Variants in SYNE2 observed in about 807,000 individuals in gnomAD.
SYNE2 encodes nesprin-2.
In SYNE2, 431 loss-of-function variants were observed where a neutral mutation model predicts 856.3. The observed-to-expected ratio is 0.50, with a 90% CI of 0.47 to 0.55. The LOEUF (loss-of-function observed/expected upper bound fraction) is 0.55, where lower values mean the gene tolerates loss of function less well. Among genes scored for constraint, SYNE2 ranks in the 20% least tolerant of loss-of-function variants. The probability of loss-of-function intolerance (pLI) is 0.00; values close to 1 mark genes in which losing one functional copy is unlikely to be tolerated. For missense variants in SYNE2, 8,129 were observed against 8,023.2 expected, an observed-to-expected ratio of 1.01 and a Z score of -0.50; for synonymous variants, 2,923 against 2,872.3, an observed-to-expected ratio of 1.02 and a Z score of -0.56.
chr14:63,929,663 C>T (rs548250400), intron 2 of SYNE2, among the ~76,000 whole-genome samples: 121 of 151,372 alleles, frequency 8.0e-4, no homozygotes, highest in South Asian at 6.1e-3. Context: ...CCCAGCTACT[C>T]GGGAGGCTGA....
At chr14:63,857,303 A>G (rs780594290) in intron 1 of SYNE2, among the ~76,000 whole-genome samples, 1 of 152,176 alleles carries the variant, frequency 6.6e-6, no homozygotes, top group Non-Finnish European at 1.5e-5. Context: ...CATTGTATCA[A>G]TAGCTGATTT....
chr14:64,130,125 G>C lies in SYNE2; in HGVS notation c.14217G>C (p.Gln4739His), dbSNP rs1368904555. The C allele has an allele frequency of 6.2e-7, 1 of 1,614,180 alleles. No homozygotes were observed. Among genetic ancestry groups the C allele is most frequent in the Non-Finnish European group, 8.5e-7 (1 of 1,180,030 alleles). Residue 4739 changes from glutamine to histidine, a missense_variant, in exon 76 of 116, where the codon CAG becomes CAC. Transcript: ENST00000555002. The part of the protein sequence containing the change: ...ELSSPFVTES[Q>H]QDALLQGMVE... ...GCAGCCCTTTCGTCACTGAGAGCCAGCAAGATGCTTTGTTGCAAGGCATGG... is the reference window on the plus strand; with the variant it reads ...GCAGCCCTTTCGTCACTGAGAGCCACCAAGATGCTTTGTTGCAAGGCATGG...
chr14:64,075,957 A>G lies in SYNE2; in HGVS notation c.10879A>G (p.Ile3627Val). The G allele has an allele frequency of 6.2e-7, 1 of 1,613,878 alleles. No homozygotes were observed. The highest frequency in any genetic ancestry group is 8.5e-7 in the Non-Finnish European group (1 of 1,179,828). Reference sequence around the variant, plus strand: ...TTAATGCTTTTAGGAGCTTCAAAGCATCCTTAAGAAAGGGAAACTAACTTT... The same window carrying G: ...TTAATGCTTTTAGGAGCTTCAAAGCGTCCTTAAGAAAGGGAAACTAACTTT... ...KSEQFEELQS[I>V]LKKGKLTFEN... Residue 3627 changes from isoleucine (I) to valine (V), a missense_variant, in exon 54 of 116, where the codon ATC becomes GTC. Coordinates refer to ENST00000555002, the MANE Select transcript of SYNE2 (RefSeq NM_182914.3).
chr14:63,957,676 T>C (rs1390129387), intron 8 of SYNE2, among the ~76,000 whole-genome samples: 1 of 152,016 alleles, frequency 6.6e-6, no homozygotes. Context: ...AGACCTAGCC[T>C]GGCCAACATG....
intron 10 of SYNE2, among the ~76,000 whole-genome samples, chr14:63,966,004 T>C (rs951720168): frequency 1.3e-5 from 2 of 152,152 alleles, no homozygotes; most frequent in African/African-American, 2.4e-5. Context: ...TTAAAGTAAA[T>C]TAATTATCCT....
intron 2 of SYNE2, among the ~76,000 whole-genome samples, chr14:63,929,223 G>T (rs1048166314): frequency 6.6e-6 from 1 of 152,058 alleles, no homozygotes; most frequent in Non-Finnish European, 1.5e-5. Flanking sequence ...ATCTTCTAGA[G>T]GGGTGAGAAG....
intron 45 of SYNE2, among the ~76,000 whole-genome samples, chr14:64,046,261 A>G (rs951367955): frequency 1.9e-4 from 29 of 152,242 alleles, no homozygotes; most frequent in African/African-American, 7.0e-4. Context: ...AGCTTTCAGA[A>G]AAGGTCAAAT....
At chr14:63,919,974 T>TTTTTTTTTG (rs1489194366) in intron 2 of SYNE2, among the ~76,000 whole-genome samples, 6 of 142,012 alleles carry the variant, frequency 4.2e-5, no homozygotes, top group African/African-American at 1.6e-4. Context: ...AAAGGTAAGT[T>TTTTTTTTTG]TTTTTTTTTT....
At chr14:63,865,710 A>C (rs1167228418) in intron 1 of SYNE2, among the ~76,000 whole-genome samples, 151 of 27,060 alleles carry the variant, frequency 5.6e-3, no homozygotes, top group Admixed American at 0.015. Context: ...AAAACTCTGT[A>C]CCCACCCCCC....
In SYNE2 at chr14:64,065,454, C is replaced by A; in HGVS notation, c.10235C>A (p.Ser3412Ter). 6.2e-7 allele frequency: 1 copy of A among 1,613,904 alleles called. No individual in the cohort carries two copies. Among genetic ancestry groups the A allele is most frequent in the South Asian group, 1.1e-5 (1 of 91,066 alleles). The change falls in exon 51 of 116, where the codon TCA becomes TAA. Residue 3412 changes from serine to a stop codon, truncating the protein, a stop_gained. Coordinates refer to ENST00000555002, the MANE Select transcript of SYNE2 (RefSeq NM_182914.3). LOFTEE classifies it high-confidence loss of function. ...AAGGCCTTGGTGTCAAATCTTATAT[C>A]AACCAAAGAAGAGTTAATGAAACTA... ...QSKALVSNLI[S>*]TKEELMKLRQ...
chr14:63,888,317 G>T (rs1169663081), intron 1 of SYNE2, among the ~76,000 whole-genome samples: 3 of 152,124 alleles, frequency 2.0e-5, no homozygotes, highest in Non-Finnish European at 4.4e-5. Flanking sequence ...GGTATCCCAG[G>T]CCTGGGTGGG....
chr14:64,217,508 T>C (rs990971541), intron 108 of SYNE2, among the ~76,000 whole-genome samples: 61 of 152,364 alleles, frequency 4.0e-4, no homozygotes, highest in African/African-American at 1.5e-3. Flanking sequence ...GATAATGGGC[T>C]GTTTGTGTCC....
At chr14:63,876,349 A>G (rs757686959) in intron 1 of SYNE2, among the ~76,000 whole-genome samples, 1 of 152,022 alleles carries the variant, frequency 6.6e-6, no homozygotes, top group Non-Finnish European at 1.5e-5. Flanking sequence ...GGCTGTAGTA[A>G]GCTATGATCA....
At position 63,940,070 on chromosome 14, in the gene SYNE2, A is replaced by ATTTTTTTT. The variant is rs10666086; in HGVS notation, c.80-533_80-526dup. On this transcript the variant is annotated intron_variant, in intron 2 of 115. Coordinates refer to ENST00000555002, the MANE Select transcript of SYNE2 (RefSeq NM_182914.3). ...TCAAGGTGGTATAGGGTCTCAGTTC[A>ATTTTTTTT]TTTTTTTTTTTTTTTTTTCTTTCAT... Among the ~76,000 whole-genome samples the ATTTTTTTT allele has an allele frequency of 4.1e-4, 53 of 129,350 alleles. 2 individuals are homozygous for ATTTTTTTT. Among genetic ancestry groups the ATTTTTTTT allele is most frequent in the East Asian group, 4.5e-4 (2 of 4,408 alleles). 84.9% of individuals were successfully genotyped at this position (129,350 alleles called of 152,430 possible).
At chr14:63,974,054 A>G (rs2153461918) in intron 11 of SYNE2, among the ~76,000 whole-genome samples, 1 of 152,350 alleles carries the variant, frequency 6.6e-6, no homozygotes, top group East Asian at 1.9e-4. Context: ...ACATAGTGAG[A>G]CCTTGTCTCT....
chr14:64,139,030 CTGG>C (rs2098120365), intron 79 of SYNE2, among the ~76,000 whole-genome samples: 1 of 151,410 alleles, frequency 6.6e-6, no homozygotes, highest in African/African-American at 2.4e-5. Flanking sequence ...GTCACCCAGG[CTGG>C]AGTGCAGTGG....
chr14:63,775,229 C>G lies in SYNE2; in HGVS notation c.-305+13243C>G, dbSNP rs1176065747. On this transcript the variant is annotated intron_variant, in intron 1 of 23. Transcript: ENST00000674003. ...GACCTTGGGTGATCCACCACCTCGG[C>G]CTCCCAAAGTGCTGGGTTTACAGAC... Among the ~76,000 whole-genome samples, 3 of 152,102 alleles carry G rather than the reference C, an allele frequency of 2.0e-5. No individual in the cohort carries two copies. In the South Asian group the frequency reaches 6.2e-4, roughly 32 times the overall value.
At chr14:64,122,194 T>G (rs1403669630) in intron 69 of SYNE2, 61 bp downstream of exon 69, 1 of 1,613,768 alleles carries the variant, frequency 6.2e-7, no homozygotes, top group African/African-American at 1.3e-5. Flanking sequence ...GAATTAAGAG[T>G]GTTTCTTTTA....
intron 55 of SYNE2, 65 bp downstream of exon 55, chr14:64,078,671 A>G (rs992085412): frequency 1.1e-5 from 17 of 1,580,374 alleles, no homozygotes; most frequent in Non-Finnish European, 1.4e-5. Flanking sequence ...CTTGTTCATC[A>G]GTCACCACAG....
Sources: allele counts gnomAD v4.1 joint callset (sites outside exome capture counted in the v4.1 genomes callset), GRCh38; gene constraint gnomAD v4.1.1; transcripts MANE v1.5; gene names NCBI Gene and HGNC (gene_info 2026-07-23, HGNC 2026-07-21).